The following RARB variants were observed in gnomAD, a reference collection of about 807,000 sequenced individuals.
RARB encodes retinoic acid receptor beta, also known as HBV-activated protein.
A neutral mutation model predicts 51.9 loss-of-function variants in RARB; 17 were observed. That is an observed-to-expected ratio of 0.33 (90% confidence interval 0.22 to 0.49). RARB has a LOEUF of 0.49. Ranked by LOEUF, RARB falls within the 20% of genes least tolerant of loss-of-function variation. RARB has a pLI of 0.99. For missense variants in RARB, 369 were observed against 550.8 expected (o/e 0.67, Z 3.30); for synonymous variants, 215 against 195.4 (o/e 1.10, Z -0.84).
At chr3:25,574,550 G>C (rs778726724) in intron 4 of RARB, among the ~76,000 whole-genome samples, 31 of 152,186 alleles carry the variant, frequency 2.0e-4, no homozygotes, top group Non-Finnish European at 3.7e-4. Flanking sequence ...AGCTCGTGCT[G>C]TCTGCTCCGG....
intron 2 of RARB, among the ~76,000 whole-genome samples, chr3:25,015,052 C>T (rs1178055988): frequency 6.6e-6 from 1 of 152,156 alleles, no homozygotes; most frequent in Non-Finnish European, 1.5e-5. Context: ...GTAATCAGGA[C>T]TTTTCCACAT....
At position 24,951,839 on chromosome 3, in the gene RARB, C is replaced by T. The variant is rs189873779; in HGVS notation, c.-380+93087C>T. Among the ~76,000 whole-genome samples the T allele has an allele frequency of 5.3e-5, 8 of 152,312 alleles. No individual in the cohort carries two copies. The East Asian group carries it at 1.4e-3, about 26-fold the overall frequency. Reference sequence around the variant, plus strand: ...ATAAACAATTTATTGATTAACCTTACAGGTAACACCAGTAGGGATTTGACT... The same window carrying T: ...ATAAACAATTTATTGATTAACCTTATAGGTAACACCAGTAGGGATTTGACT... On this transcript the variant is annotated intron_variant, in intron 2 of 11. Coordinates refer to the RARB transcript ENST00000383772.
chr3:25,575,791 C>T (rs1700904187), intron 4 of RARB, among the ~76,000 whole-genome samples: 1 of 152,208 alleles, frequency 6.6e-6, no homozygotes, highest in South Asian at 2.1e-4. Flanking sequence ...GCGTCACATT[C>T]TGACATACTC....
At chr3:25,300,254 C>G (rs1704008908) in intron 5 of RARB, among the ~76,000 whole-genome samples, 2 of 152,194 alleles carry the variant, frequency 1.3e-5, no homozygotes, top group Admixed American at 1.3e-4. Context: ...AGCACTGATG[C>G]ATAACTCCTC....
intron 5 of RARB, among the ~76,000 whole-genome samples, chr3:25,220,156 G>T (rs1167805037): frequency 1.3e-5 from 2 of 152,038 alleles, no homozygotes; most frequent in Non-Finnish European, 2.9e-5. Context: ...ACTGCCTTTG[G>T]ACTATTTCAT....
At chr3:25,151,751 T>C (rs747268805) in intron 4 of RARB, among the ~76,000 whole-genome samples, 13 of 152,224 alleles carry the variant, frequency 8.5e-5, no homozygotes, top group Non-Finnish European at 1.6e-4. Context: ...GTCCTTTTGC[T>C]CCCTGAACAC....
At chr3:25,414,203 C>G (rs1559390674) in intron 5 of RARB, among the ~76,000 whole-genome samples, 1 of 152,200 alleles carries the variant, frequency 6.6e-6, no homozygotes, top group Non-Finnish European at 1.5e-5. Context: ...TTCTTTCACT[C>G]AGAATGATTA....
intron 5 of RARB, among the ~76,000 whole-genome samples, chr3:25,290,838 G>A (rs945764140): frequency 2.6e-5 from 4 of 152,078 alleles, no homozygotes; most frequent in Non-Finnish European, 5.9e-5. Context: ...CTCTTCTCTT[G>A]CTTTCCCCAG....
intron 2 of RARB, among the ~76,000 whole-genome samples, chr3:24,997,381 T>C (rs925408376): frequency 6.6e-6 from 1 of 151,838 alleles, no homozygotes; most frequent in Non-Finnish European, 1.5e-5. Context: ...TCAAGTTGGG[T>C]CTTTTTTTTT....
At chr3:25,012,071 C>T (rs1326408240) in intron 2 of RARB, among the ~76,000 whole-genome samples, 1 of 152,056 alleles carries the variant, frequency 6.6e-6, no homozygotes, top group Non-Finnish European at 1.5e-5. Flanking sequence ...AATTCAATCT[C>T]AGTGGGGAAA....
chr3:24,846,364 T>C (rs1237074161), intron 1 of RARB, among the ~76,000 whole-genome samples: 1 of 152,200 alleles, frequency 6.6e-6, no homozygotes, highest in Non-Finnish European at 1.5e-5. Flanking sequence ...ATATTAGTTA[T>C]TACCATTCTT....
chr3:25,167,079 T>C (rs1366310607), intron 4 of RARB, among the ~76,000 whole-genome samples: 1 of 152,224 alleles, frequency 6.6e-6, no homozygotes, highest in Non-Finnish European at 1.5e-5. Context: ...ATTGATTTAA[T>C]CTTGTCTCAT....
chr3:24,996,446 T>C (rs1309007380), intron 2 of RARB, among the ~76,000 whole-genome samples: 4 of 152,198 alleles, frequency 2.6e-5, no homozygotes, highest in South Asian at 2.1e-4. Flanking sequence ...GCTTTTCTAA[T>C]CTCAATTCTG....
At chr3:24,857,144 T>A (rs1236737588) in intron 1 of RARB, among the ~76,000 whole-genome samples, 3 of 152,210 alleles carry the variant, frequency 2.0e-5, no homozygotes, top group Non-Finnish European at 4.4e-5. Flanking sequence ...TTAAAAAAAA[T>A]CAAGGATGTT....
intron 2 of RARB, among the ~76,000 whole-genome samples, chr3:25,475,211 T>G (rs1213803051): frequency 6.6e-6 from 1 of 152,192 alleles, no homozygotes. Flanking sequence ...AGGTATTCCT[T>G]TGTTATTTGA....
intron 2 of RARB, among the ~76,000 whole-genome samples, chr3:25,021,449 G>T (rs1439018205): frequency 6.6e-6 from 1 of 151,960 alleles, no homozygotes; most frequent in Non-Finnish European, 1.5e-5. Flanking sequence ...CACCTTAAAA[G>T]CCGTAAACTC....
chr3:24,919,077 T>C (rs960292398), intron 2 of RARB, among the ~76,000 whole-genome samples: 8 of 152,180 alleles, frequency 5.3e-5, no homozygotes, highest in Non-Finnish European at 8.8e-5. Flanking sequence ...AATAAGAGTA[T>C]GTCCCTCATA....
chr3:25,069,732 A>G (rs1286027565), intron 3 of RARB, among the ~76,000 whole-genome samples: 1 of 152,208 alleles, frequency 6.6e-6, no homozygotes, highest in Non-Finnish European at 1.5e-5. Context: ...AAGTTAGATG[A>G]ATGAGCAGTC....
At chr3:25,454,237 G>T (rs1409317543) in intron 1 of RARB, among the ~76,000 whole-genome samples, 2 of 152,202 alleles carry the variant, frequency 1.3e-5, no homozygotes, top group African/African-American at 4.8e-5. Flanking sequence ...GTTGAACTTT[G>T]GCGTTTCCTT....
Sources: allele counts gnomAD v4.1 joint callset (sites outside exome capture counted in the v4.1 genomes callset), GRCh38; gene constraint gnomAD v4.1.1; transcripts MANE v1.5; gene names NCBI Gene and HGNC (gene_info 2026-07-23, HGNC 2026-07-21).